RBM6: variants seen among roughly 807,000 people sequenced by gnomAD.
RBM6 encodes RNA binding motif protein 6, also known as RNA-binding protein 6.
Under a neutral mutation model 140.4 loss-of-function variants are expected in RBM6, and 23 were observed. The ratio of observed to expected loss-of-function variants is 0.16; its 90% CI spans 0.12 to 0.23. RBM6 has a LOEUF of 0.23. Among genes scored for constraint, RBM6 ranks in the 10% least tolerant of loss-of-function variants. The probability of loss-of-function intolerance (pLI) is 1.00; values close to 1 mark genes in which losing one functional copy is unlikely to be tolerated. For missense variants in RBM6, 1,139 were observed against 1,386.7 expected (o/e 0.82, Z 2.84); for synonymous variants, 439 against 475.6 (o/e 0.92, Z 1.00).
chr3:50,040,699 C>T (rs2088866917), intron 6 of RBM6, among the ~76,000 whole-genome samples: 1 of 150,952 alleles, frequency 6.6e-6, no homozygotes, highest in Non-Finnish European at 1.5e-5. Flanking sequence ...CTTTGTCACC[C>T]AGGCTGGAAT....
chr3:49,994,669 G>GGTGTGT (rs59949998), intron 5 of RBM6, among the ~76,000 whole-genome samples: 158 of 148,254 alleles, frequency 1.1e-3, no homozygotes, highest in Non-Finnish European at 1.5e-3. Flanking sequence ...AAGGCTGTGG[G>GGTGTGT]GTGTGTGTGT....
At chr3:50,066,619 G>GAAGT in intron 17 of RBM6, 117 bp downstream of exon 17, 1 of 1,293,430 alleles carries the variant, frequency 7.7e-7, no homozygotes, top group South Asian at 1.4e-5. Context: ...CCTGGGCTCA[G>GAAGT]AAGTACAAGA....
chr3:50,054,507 C>CA, intron 8 of RBM6, 112 bp downstream of exon 8: 1 of 964,858 alleles, frequency 1.0e-6, no homozygotes, highest in Non-Finnish European at 1.6e-6. Context: ...GATCTACAAA[C>CA]CTTTTTTTTT....
intron 19 of RBM6, 166 bp from the exon 20 acceptor site, chr3:50,075,035 A>G (rs2090415862): frequency 1.4e-6 from 1 of 737,312 alleles, no homozygotes; most frequent in African/African-American, 1.8e-5. Flanking sequence ...GGGCACCTGC[A>G]ATCCCAGCTA....
rs1249551513 is a variant in RBM6 at position 49,968,679 on chromosome 3, G to A, written c.1254G>A (p.Met418Ile). The change falls in exon 3 of 21, where the codon ATG (methionine) becomes ATA (isoleucine). Residue 418 changes from methionine to isoleucine, a missense_variant. Coordinates refer to ENST00000266022, the MANE Select transcript of RBM6 (RefSeq NM_005777.3). Reference protein sequence around the residue: ...DVDHRLPGSQMFGYGQSKSFP... With the variant: ...DVDHRLPGSQIFGYGQSKSFP... ...ATCATAGGCTGCCAGGAAGCCAGAT[G>A]TTTGGCTATGGCCAGAGCAAGTCTT... The A allele has an allele frequency of 6.4e-7, 1 of 1,551,902 alleles. No homozygotes were observed. Among genetic ancestry groups the A allele is most frequent in the Non-Finnish European group, 8.7e-7 (1 of 1,143,546 alleles).
At chr3:50,052,083 AAG>A (rs754751812) in intron 7 of RBM6, among the ~76,000 whole-genome samples, 2 of 152,186 alleles carry the variant, frequency 1.3e-5, no homozygotes, top group Admixed American at 6.5e-5. Flanking sequence ...TTTTGTTTTT[AAG>A]AGAGAGTCTT....
chr3:50,059,478 G>C (rs1211737570), intron 10 of RBM6, 171 bp from the exon 11 acceptor site: 2 of 512,140 alleles, frequency 3.9e-6, no homozygotes, highest in Admixed American at 3.7e-5. Flanking sequence ...ATTAAAAGTT[G>C]CCTGTTTCTG....
chr3:50,052,555 T>C (rs1287589299), intron 7 of RBM6, among the ~76,000 whole-genome samples: 1 of 152,192 alleles, frequency 6.6e-6, no homozygotes, highest in Non-Finnish European at 1.5e-5. Flanking sequence ...AATCTATAGG[T>C]TTATTCCTAG....
intron 1 of RBM6, among the ~76,000 whole-genome samples, chr3:49,961,171 G>A (rs757703575): frequency 2.0e-5 from 3 of 152,102 alleles, no homozygotes; most frequent in South Asian, 2.1e-4. Flanking sequence ...TCCGCCTCCC[G>A]GTTTCAAGCG....
In RBM6 at chr3:50,065,248, G is replaced by C. The variant is rs567939666; in HGVS notation, c.2682+122G>C. 589 of 704,916 alleles carry C rather than the reference G, an allele frequency of 8.4e-4. 1 individual carries two copies. The African/African-American group carries it at 9.2e-3, about 11-fold the overall frequency. The allele number at this position is 704,916 out of a possible 1,614,324, so 43.7% of individuals were successfully genotyped here. A position where few individuals can be genotyped will look rare whatever the true frequency, so the allele number is the denominator to read the frequency against. On this transcript the variant is annotated intron_variant, in intron 16 of 20. Transcript: ENST00000266022. ...GGTCTTTTACCTCACTATGTCTCCC[G>C]AATAAGGATTCCCATTTCTTTTGAG... is the stretch of plus-strand genomic sequence containing the variant.
chr3:49,980,009 T>C (rs74720219), intron 5 of RBM6, among the ~76,000 whole-genome samples: 3 of 147,244 alleles, frequency 2.0e-5, no homozygotes, highest in Non-Finnish European at 3.0e-5. Flanking sequence ...TTTTCTTTTC[T>C]TTTTTTTTTT....
intron 1 of RBM6, among the ~76,000 whole-genome samples, chr3:49,961,229 C>T (rs971450711): frequency 2.6e-5 from 4 of 152,078 alleles, no homozygotes; most frequent in African/African-American, 9.7e-5. Flanking sequence ...AGGTGCCTGC[C>T]ACCACACCTG....
chr3:49,976,616 A>G (rs993711306), intron 5 of RBM6, among the ~76,000 whole-genome samples: 2 of 152,194 alleles, frequency 1.3e-5, no homozygotes, highest in African/African-American at 4.8e-5. Flanking sequence ...AACTCTCAGG[A>G]TAATAACCTC....
At chr3:50,000,708 C>T (rs1353869823) in intron 6 of RBM6, among the ~76,000 whole-genome samples, 4 of 152,076 alleles carry the variant, frequency 2.6e-5, no homozygotes, top group Non-Finnish European at 4.4e-5. Flanking sequence ...CATGAGCCAC[C>T]GTGCCCAGCC....
chr3:49,962,485 A>T (rs1197253987), intron 1 of RBM6, 91 bp from the exon 2 acceptor site: 1 of 643,582 alleles, frequency 1.6e-6, no homozygotes, highest in East Asian at 3.0e-5. Context: ...ATTGCTGCTG[A>T]TGTGGTCCCT....
At chr3:49,986,222 G>C (rs1487384325) in intron 5 of RBM6, among the ~76,000 whole-genome samples, 1 of 149,462 alleles carries the variant, frequency 6.7e-6, no homozygotes, top group East Asian at 2.1e-4. Flanking sequence ...TTAAACTCCT[G>C]ACCTCAAGTG....
intron 5 of RBM6, among the ~76,000 whole-genome samples, chr3:49,977,836 G>T (rs769217948): frequency 2.0e-5 from 3 of 152,198 alleles, no homozygotes; most frequent in Non-Finnish European, 4.4e-5. Flanking sequence ...ATATGTGGTA[G>T]TCAGGCATGG....
At chr3:50,068,252 G>C (rs1445965965) in intron 17 of RBM6, among the ~76,000 whole-genome samples, 3 of 152,154 alleles carry the variant, frequency 2.0e-5, no homozygotes, top group African/African-American at 7.2e-5. Flanking sequence ...TTGTGTAGTA[G>C]AGCCATGCGT....
chr3:50,025,248 C>T (rs2087734584), intron 6 of RBM6, among the ~76,000 whole-genome samples: 1 of 151,806 alleles, frequency 6.6e-6, no homozygotes, highest in Non-Finnish European at 1.5e-5. Context: ...CATGGCGAAA[C>T]CCCGTCTTTT....
Sources: gnomAD v4.1 joint callset for allele counts (sites outside exome capture counted in the v4.1 genomes callset) on GRCh38, gnomAD v4.1.1 for gene constraint, MANE v1.5 for transcripts, NCBI Gene and HGNC (gene_info 2026-07-23, HGNC 2026-07-21) for gene names.